Variants in HPD observed in about 807,000 individuals in gnomAD.
HPD encodes 4-hydroxyphenylpyruvate dioxygenase.
A neutral mutation model predicts 56.9 loss-of-function variants in HPD; 35 were observed. The observed-to-expected ratio is 0.62, with a 90% confidence interval of 0.47 to 0.82. The LOEUF (loss-of-function observed/expected upper bound fraction) is 0.82, where lower values mean the gene tolerates loss of function less well. HPD is among the 40% of genes least tolerant of loss of function. The probability of loss-of-function intolerance (pLI) is 0.00; values close to 1 mark genes in which losing one functional copy is unlikely to be tolerated. For missense variants in HPD, 442 were observed against 506.8 expected (o/e 0.87, Z 1.23); for synonymous variants, 186 against 200.2 (o/e 0.93, Z 0.60).
At chr12:121,865,881 C>T (rs570548575), upstream of HPD, among the ~76,000 whole-genome samples, 17 of 152,042 alleles carry the variant, frequency 1.1e-4, no homozygotes, top group East Asian at 2.1e-3. Context: ...CCCATCTACT[C>T]GAGAGGCTGA....
At chr12:121,868,108 G>T (rs1878371875), upstream of HPD, among the ~76,000 whole-genome samples, 1 of 152,140 alleles carries the variant, frequency 6.6e-6, no homozygotes, top group Admixed American at 6.6e-5. Context: ...AGGATCACTT[G>T]AGCCCAGGAG....
chr12:121,846,437 A>G (rs1341153302), intron 11 of HPD, among the ~76,000 whole-genome samples: 4 of 151,984 alleles, frequency 2.6e-5, no homozygotes, highest in Non-Finnish European at 5.9e-5. Context: ...GGCTGGTCTC[A>G]AACTCCTGAC....
upstream of HPD, among the ~76,000 whole-genome samples, chr12:121,859,489 T>C (rs1225786076): frequency 2.0e-5 from 3 of 152,152 alleles, no homozygotes; most frequent in Non-Finnish European, 4.4e-5. Flanking sequence ...TCCTAGGCCA[T>C]GAGGTCAGCA....
upstream of HPD, among the ~76,000 whole-genome samples, chr12:121,867,688 AT>A (rs1262284853): frequency 6.6e-6 from 1 of 151,850 alleles, no homozygotes; most frequent in African/African-American, 2.4e-5. Flanking sequence ...TAATTTTTGT[AT>A]TTTTAATAGA....
intron 7 of HPD, among the ~76,000 whole-genome samples, chr12:121,851,687 A>ATTT (rs1267886581): frequency 1.2e-4 from 11 of 92,400 alleles, no homozygotes; most frequent in African/African-American, 4.7e-4. Flanking sequence ...TTATTCATTT[A>ATTT]TTTATTTATT....
chr12:121,842,070 G>T (rs535731191), intron 12 of HPD, among the ~76,000 whole-genome samples: 25 of 152,164 alleles, frequency 1.6e-4, no homozygotes, highest in Non-Finnish European at 3.4e-4. Context: ...TGGGGTGGGA[G>T]GGGGGAAGGG....
chr12:121,878,673 G>T, the HPD span, among the ~76,000 whole-genome samples: 14 of 143,648 alleles, frequency 9.7e-5, no homozygotes, highest in Non-Finnish European at 1.7e-4. Context: ...TTGGTTTTTC[G>T]TTCTTTTTTT....
chr12:121,839,675 C>T lies in HPD; in HGVS notation c.*53G>A. The stretch of plus-strand genomic sequence containing the variant: ...GCCAGTAGGGAAGTTGGGCGAGTTC[C>T]AGAATCAGGGGGCGTGGCTGTGTGG... On this transcript the variant is annotated 3_prime_UTR_variant, in exon 14 of 14. Transcript: ENST00000289004. 3 of 1,331,192 alleles carry T rather than the reference C, an allele frequency of 2.3e-6. No individual in the cohort carries two copies. Among genetic ancestry groups the T allele is most frequent in the Non-Finnish European group, 3.2e-6 (3 of 923,236 alleles). The allele number at this position is 1,331,192 out of a possible 1,614,324, so 82.5% of individuals were successfully genotyped here.
chr12:121,861,977 T>C (rs1159077797), upstream of HPD, among the ~76,000 whole-genome samples: 1 of 151,938 alleles, frequency 6.6e-6, no homozygotes, highest in Non-Finnish European at 1.5e-5. Flanking sequence ...ACCACTGCAC[T>C]CCAGCCTCGG....
the HPD span, among the ~76,000 whole-genome samples, chr12:121,872,764 A>G: frequency 6.6e-6 from 1 of 151,852 alleles, no homozygotes; most frequent in Non-Finnish European, 1.5e-5. Context: ...AGTATGCTGC[A>G]CTGATCCAGT....
At chr12:121,871,932 T>C in the HPD span, among the ~76,000 whole-genome samples, 118 of 151,790 alleles carry the variant, frequency 7.8e-4, no homozygotes, top group African/African-American at 2.8e-3. Context: ...CTTTTTTTTC[T>C]TTTTGAGATG....
At chr12:121,882,346 G>C in the HPD span, among the ~76,000 whole-genome samples, 153 of 152,222 alleles carry the variant, frequency 1.0e-3, no homozygotes, top group Middle Eastern at 6.8e-3. Context: ...CCATGTGTTT[G>C]TCTCTTGGCC....
At position 121,849,074 on chromosome 12, in the gene HPD, G is replaced by A. The variant is rs748463507; in HGVS notation, c.521C>T (p.Pro174Leu). Residue 174 changes from proline to leucine, a missense_variant and splice_region_variant, in exon 9 of 14, where the codon CCC (proline) becomes CTC (leucine). Coordinates refer to ENST00000289004, the MANE Select transcript of HPD (RefSeq NM_002150.3). ...GTCGATCATCTCCAGACTGCATTTG[G>A]GCCTGGGAAGGGAAGAAGATGGGGG... ...AFMDPLLPKL[P>L]KCSLEMIDHI... 3 of 1,612,886 alleles carry A rather than the reference G, an allele frequency of 1.9e-6. No individual in the cohort carries two copies. The highest frequency in any genetic ancestry group is 8.5e-7 in the Non-Finnish European group (1 of 1,179,060).
Position 121,846,937 on chromosome 12 carries a change from G to C in HPD, c.760-4C>G, listed in dbSNP as rs1469527364. 3 of 1,614,102 alleles carry C rather than the reference G, an allele frequency of 1.9e-6. No homozygotes were observed. Among genetic ancestry groups the C allele is most frequent in the Non-Finnish European group, 2.5e-6 (3 of 1,179,998 alleles). ...CCCCGTTATAGTCCACATATTCCTG[G>C]GGGAGGGAAACAAGGAGACCACTGT... On this transcript the variant is annotated splice_region_variant and splice_polypyrimidine_tract_variant and intron_variant, in intron 10 of 13. Transcript: ENST00000289004.
At chr12:121,856,222 G>A in intron 6 of HPD, 102 bp downstream of exon 6, 1 of 881,728 alleles carries the variant, frequency 1.1e-6, no homozygotes, top group Admixed American at 1.7e-5. Flanking sequence ...TGGCATCTGG[G>A]CTTGTCACTG....
Position 121,856,326 on chromosome 12 carries a change from G to A in HPD, c.322C>T (p.Gln108Ter), listed in dbSNP as rs1466993123. The A allele has an allele frequency of 6.2e-7, 1 of 1,613,268 alleles. No homozygotes were observed. The highest frequency in any genetic ancestry group is 8.5e-7 in the Non-Finnish European group (1 of 1,179,210). The change falls in exon 6 of 14, where the codon CAG becomes TAG. Residue 108 changes from glutamine (Q) to a stop codon, truncating the protein, a stop_gained and splice_region_variant. Coordinates refer to ENST00000289004, the MANE Select transcript of HPD (RefSeq NM_002150.3). LOFTEE classifies it high-confidence loss of function. ...AGTCCACCCAGGTGCTTTCTTACCT[G>A]CACGATGTAGTCACAATCTTCCACC... ...FEVEDCDYIV[Q>*]KARERGAKIM...
At chr12:121,867,115 C>T (rs552119517), upstream of HPD, among the ~76,000 whole-genome samples, 6 of 152,186 alleles carry the variant, frequency 3.9e-5, no homozygotes, top group East Asian at 5.8e-4. Flanking sequence ...CTTTGGGAGG[C>T]GGAGGTGGGC....
At chr12:121,885,271 G>A in the HPD span, among the ~76,000 whole-genome samples, 4 of 150,794 alleles carry the variant, frequency 2.7e-5, no homozygotes, top group Admixed American at 6.7e-5. Flanking sequence ...GCACCATCTC[G>A]GCTCATTGTA....
Position 121,843,737 on chromosome 12 carries a change from C to T in HPD, c.927G>A (p.Lys309=). The change falls in exon 12 of 14, where the codon AAG becomes AAA. Residue 309 remains lysine, a synonymous_variant. Transcript: ENST00000289004. The part of the protein sequence containing the change: ...LREKLKTAKI[K]VKENIDALEE... ...CCAGGGCATCAATGTTCTCCTTCAC[C>T]TTGATCTTGGCCGTCTTCAGCTTCT... is the stretch of plus-strand genomic sequence containing the variant. 6.2e-7 allele frequency: 1 copy of T among 1,614,154 alleles called. No individual in the cohort carries two copies. Among genetic ancestry groups the T allele is most frequent in the East Asian group, 2.2e-5 (1 of 44,888 alleles).
Sources: gnomAD v4.1 joint callset for allele counts (sites outside exome capture counted in the v4.1 genomes callset) on GRCh38, gnomAD v4.1.1 for gene constraint, MANE v1.5 for transcripts, NCBI Gene and HGNC (gene_info 2026-07-23, HGNC 2026-07-21) for gene names.